Variants in PDE1A observed in about 807,000 individuals in gnomAD.
PDE1A encodes the protein phosphodiesterase 1A, also known as dual specificity calcium/calmodulin-dependent 3',5'-cyclic nucleotide phosphodiesterase 1A.
A neutral mutation model predicts 61.7 loss-of-function variants in PDE1A; 35 were observed. The observed-to-expected ratio is 0.57, with a 90% CI of 0.43 to 0.75. PDE1A has a LOEUF of 0.75. Ranked by LOEUF, PDE1A falls within the 30% of genes least tolerant of loss-of-function variation. The pLI, the probability that PDE1A is intolerant of heterozygous loss-of-function variation, is 0.00. For missense variants in PDE1A, 597 were observed against 630.6 expected, an observed-to-expected ratio of 0.95 and a Z score of 0.57; for synonymous variants, 232 against 213.2, an observed-to-expected ratio of 1.09 and a Z score of -0.77.
chr2:182,518,833 A>G (rs1218260971), intron 2 of PDE1A, among the ~76,000 whole-genome samples: 4 of 152,136 alleles, frequency 2.6e-5, no homozygotes, highest in Non-Finnish European at 5.9e-5. Context: ...TACCTGAAAA[A>G]TGCTCATTTT....
the PDE1A span, among the ~76,000 whole-genome samples, chr2:182,561,024 G>T: frequency 5.0e-4 from 74 of 147,488 alleles, 2 homozygotes; most frequent in East Asian, 0.013. Context: ...CACTCTGATG[G>T]TAGTTTCTTT....
chr2:182,472,734 T>C (rs1309077033), intron 2 of PDE1A, among the ~76,000 whole-genome samples: 1 of 151,192 alleles, frequency 6.6e-6, no homozygotes. Flanking sequence ...TTCCACATAA[T>C]CAACTCTAGC....
At chr2:182,509,375 T>C (rs1689641065) in intron 2 of PDE1A, among the ~76,000 whole-genome samples, 1 of 152,220 alleles carries the variant, frequency 6.6e-6, no homozygotes, top group African/African-American at 2.4e-5. Flanking sequence ...CTCCATTTGG[T>C]ATTCAGCTTT....
the PDE1A span, among the ~76,000 whole-genome samples, chr2:182,597,315 G>A: frequency 6.6e-6 from 1 of 152,234 alleles, no homozygotes; most frequent in South Asian, 2.1e-4. Context: ...TACCAGGATA[G>A]GTATATGACT....
rs1221586806 is a variant in PDE1A, at chr2:182,300,934, G to GACGAAC, written c.54-36526_54-36521dup. 3.3e-5 allele frequency among the ~76,000 whole-genome samples: 5 copies of GACGAAC among 152,284 alleles called. No homozygotes were observed. The East Asian group carries it at 9.7e-4, about 29-fold the overall frequency. On this transcript the variant is annotated intron_variant, in intron 1 of 13. Transcript: ENST00000351439. ...AAATGACTGATTTCTCATAATCAGAGACGAACTTGCAAGTTGGTTGCAAGT... is the reference window on the plus strand; with the variant it reads ...AAATGACTGATTTCTCATAATCAGAGACGAACACGAACTTGCAAGTTGGTTGCAAGT...
At chr2:182,543,568 T>C in the PDE1A span, among the ~76,000 whole-genome samples, 3 of 152,168 alleles carry the variant, frequency 2.0e-5, no homozygotes, top group African/African-American at 7.2e-5. Context: ...GATTTTGTTT[T>C]TTACATTTTG....
intron 1 of PDE1A, among the ~76,000 whole-genome samples, chr2:182,284,464 C>T (rs1208847921): frequency 1.3e-5 from 2 of 151,952 alleles, no homozygotes; most frequent in African/African-American, 2.4e-5. Context: ...GAAGCATTGG[C>T]TAATTTGTTA....
the PDE1A span, among the ~76,000 whole-genome samples, chr2:182,710,117 G>A: frequency 6.6e-6 from 1 of 152,118 alleles, no homozygotes; most frequent in Admixed American, 6.6e-5. Flanking sequence ...GGATGGTCTC[G>A]ATCTCCTGAC....
intron 1 of PDE1A, among the ~76,000 whole-genome samples, chr2:182,423,212 A>G (rs1703391746): frequency 6.6e-6 from 1 of 152,172 alleles, no homozygotes; most frequent in Non-Finnish European, 1.5e-5. Context: ...ATATATACCT[A>G]AAATTTCCAA....
At chr2:182,221,951 A>G (rs192914675) in intron 7 of PDE1A, among the ~76,000 whole-genome samples, 1 of 152,098 alleles carries the variant, frequency 6.6e-6, no homozygotes, top group East Asian at 1.9e-4. Context: ...AGGGTCCTTT[A>G]AGTTCTAAAG....
At chr2:182,253,838 C>T (rs901832385) in intron 2 of PDE1A, among the ~76,000 whole-genome samples, 3 of 152,220 alleles carry the variant, frequency 2.0e-5, no homozygotes, top group Admixed American at 2.0e-4. Flanking sequence ...TAATCCTAAG[C>T]AAGTCAATTA....
chr2:182,284,039 C>T (rs1439822974), intron 1 of PDE1A, among the ~76,000 whole-genome samples: 1 of 152,014 alleles, frequency 6.6e-6, no homozygotes, highest in Admixed American at 6.6e-5. Flanking sequence ...TGTATCAGGT[C>T]CCAGCTTTCA....
the PDE1A span, chr2:182,716,146 A>T: frequency 6.6e-6 from 1 of 152,114 alleles, no homozygotes; most frequent in Admixed American, 6.6e-5. Context: ...GTCAACCTAA[A>T]CCTACACCGC....
chr2:182,625,122 T>C, the PDE1A span, among the ~76,000 whole-genome samples: 27 of 152,180 alleles, frequency 1.8e-4, no homozygotes, highest in African/African-American at 6.5e-4. Context: ...CTCTCTGCCA[T>C]GTGAAGATAC....
chr2:182,458,298 A>G lies in PDE1A; in HGVS notation c.101+63978T>C, dbSNP rs180709444. 2.6e-5 allele frequency among the ~76,000 whole-genome samples: 4 copies of G among 152,234 alleles called. No individual in the cohort carries two copies. The East Asian group carries it at 7.7e-4, about 29-fold the overall frequency. On this transcript the variant is annotated intron_variant, in intron 2 of 14. Transcript: ENST00000410103. ...GGCATTCATAATAAAAAAACAAAAA[A>G]AGCAATATTTTCATTCCTTATTATC...
chr2:182,562,320 T>A, the PDE1A span, among the ~76,000 whole-genome samples: 1 of 150,114 alleles, frequency 6.7e-6, no homozygotes, highest in South Asian at 2.2e-4. Context: ...AATCATGTGG[T>A]TTTTGTCTTT....
intron 1 of PDE1A, among the ~76,000 whole-genome samples, chr2:182,313,950 A>C (rs1696166159): frequency 1.3e-5 from 2 of 152,246 alleles, no homozygotes; most frequent in Non-Finnish European, 2.9e-5. Context: ...ATACAAAATG[A>C]AGCAGTCACT....
the PDE1A span, among the ~76,000 whole-genome samples, chr2:182,594,289 C>A: frequency 6.6e-6 from 1 of 152,200 alleles, no homozygotes; most frequent in East Asian, 1.9e-4. Flanking sequence ...TTACAACTCT[C>A]TAATCTAAAA....
chr2:182,642,171 A>G, the PDE1A span, among the ~76,000 whole-genome samples: 1,472 of 152,342 alleles, frequency 9.7e-3, 26 homozygotes, highest in African/African-American at 0.034. Flanking sequence ...CTTTTGCTTC[A>G]CTAAATTATA....
Sources: allele counts gnomAD v4.1 joint callset (sites outside exome capture counted in the v4.1 genomes callset), GRCh38; gene constraint gnomAD v4.1.1; transcripts MANE v1.5; gene names NCBI Gene and HGNC (gene_info 2026-07-23, HGNC 2026-07-21).